DNAH5: variants seen among roughly 807,000 people sequenced by gnomAD.
The protein encoded by DNAH5 is axonemal beta dynein heavy chain 5.
Under a neutral mutation model 518.2 loss-of-function variants are expected in DNAH5, and 372 were observed. The observed-to-expected ratio is 0.72, with a 90% CI of 0.66 to 0.78. DNAH5 has a LOEUF of 0.78. DNAH5 is among the 30% of genes least tolerant of loss of function. DNAH5 has a pLI of 0.00. For synonymous variants in DNAH5, 2,039 were observed against 2,025.9 expected (o/e 1.01, Z -0.17); for missense variants, 5,523 against 5,687.0 (o/e 0.97, Z 0.93).
chr5:13,769,112 C>A lies in DNAH5; in HGVS notation c.9745G>T (p.Ala3249Ser). 1 of 1,614,170 alleles carries A rather than the reference C, an allele frequency of 6.2e-7. No homozygotes were observed. ...DMVLKEVTMK[A>S]QAAEKVKAEV... ...GCCTTGACCTTTTCAGCAGCCTGTG[C>A]TTTCATTGTCACTTCTTTTAAGACC... is the stretch of plus-strand genomic sequence containing the variant. The change falls in exon 58 of 79, where the codon GCA becomes TCA. Residue 3249 changes from alanine (A) to serine (S), a missense_variant. Physicochemically the swap from Ala to Ser is moderately conservative, Grantham distance 99 (BLOSUM62 1). This residue lies in a region of DNAH5 where 5,121 missense variants were observed against 5,223.3 expected (regional missense o/e 0.98). Transcript: ENST00000265104.
At chr5:14,006,502 T>C (rs1265934715) in intron 1 of DNAH5, among the ~76,000 whole-genome samples, 1 of 152,188 alleles carries the variant, frequency 6.6e-6, no homozygotes, top group Non-Finnish European at 1.5e-5. Flanking sequence ...GATCTTCACA[T>C]GGTCACCCCT....
Position 13,874,467 on chromosome 5 carries a change from G to T in DNAH5, c.3396+2217C>A, listed in dbSNP as rs184178721. ...TTAGATGAACTACATATGTAGAGTT[G>T]TTCTGATTATGTAACCAAGGTTATT... On this transcript the variant is annotated intron_variant, in intron 22 of 78. Transcript: ENST00000265104. Among the ~76,000 whole-genome samples the T allele has an allele frequency of 6.6e-5, 10 of 152,208 alleles. No individual in the cohort carries two copies. In the East Asian group the frequency reaches 1.9e-3, roughly 29 times the overall value.
At position 13,829,608 on chromosome 5, in the gene DNAH5, T is replaced by G. The variant is rs747370414; in HGVS notation, c.6346A>C (p.Arg2116=). 2.7e-5 allele frequency: 43 copies of G among 1,614,084 alleles called. No individual in the cohort carries two copies. The South Asian group carries it at 4.5e-4, about 17-fold the overall frequency. The change falls in exon 38 of 79, where the codon AGG becomes CGG. Residue 2116 remains arginine (R), a synonymous_variant. Transcript: ENST00000265104. The stretch of plus-strand genomic sequence containing the variant: ...AAGCCACAACTAGCCAACTTCACCC[T>G]TATGATAATCTGACGGTCAGGCACC... ...MMVPDRQIII[R]VKLASCGFID... is the part of the protein sequence containing the mutation.
chr5:13,791,431 C>T (rs1424725129), intron 50 of DNAH5, among the ~76,000 whole-genome samples: 1 of 151,812 alleles, frequency 6.6e-6, no homozygotes, highest in African/African-American at 2.4e-5. Flanking sequence ...AGTGTGTGTA[C>T]AAATGATCAT....
intron 65 of DNAH5, among the ~76,000 whole-genome samples, chr5:13,746,427 C>G (rs1041747336): frequency 6.6e-6 from 1 of 152,070 alleles, no homozygotes; most frequent in Admixed American, 6.6e-5. Context: ...AGGGTGATAT[C>G]TGAATGCATG....
rs111975408 is a variant in DNAH5 at position 13,873,634 on chromosome 5, A to C, written c.3397-1869T>G. 3.5e-3 allele frequency among the ~76,000 whole-genome samples: 536 copies of C among 151,876 alleles called. 4 individuals are homozygous for C. The highest frequency in any genetic ancestry group is 0.012 in the African/African-American group (515 of 41,396). On this transcript the variant is annotated intron_variant, in intron 22 of 78. Transcript: ENST00000265104. ...ATTGTATCATCTACAAATAATTAAA[A>C]TTTTGTCTTTTTTTATTTAATTACT...
intron 6 of DNAH5, among the ~76,000 whole-genome samples, chr5:13,920,101 C>T (rs1177120553): frequency 2.6e-5 from 4 of 152,174 alleles, no homozygotes; most frequent in Admixed American, 2.0e-4. Flanking sequence ...CACCTTCATG[C>T]CTTCATTGAG....
At chr5:13,795,298 G>A (rs1284019372) in intron 47 of DNAH5, among the ~76,000 whole-genome samples, 1 of 151,862 alleles carries the variant, frequency 6.6e-6, no homozygotes, top group East Asian at 1.9e-4. Context: ...TTGATAGACG[G>A]CTAGCAAGAT....
chr5:13,721,128 T>G lies in DNAH5; in HGVS notation c.12151A>C (p.Met4051Leu), dbSNP rs138162689. ...PRTPLICLLS[M>L]GSDPTDSIIA... ...ATGGAATCTGTGGGGTCTGAGCCCA[T>G]AGACAGGAGACAGATGAGTGGCGTC... Residue 4051 changes from methionine (M) to leucine (L), a missense_variant, in exon 71 of 79, where the codon ATG becomes CTG. Met to Leu is a conservative substitution (Grantham distance 15, BLOSUM62 2). Coordinates refer to ENST00000265104, the MANE Select transcript of DNAH5 (RefSeq NM_001369.3). 6.2e-7 allele frequency: 1 copy of G among 1,613,986 alleles called. No individual in the cohort carries two copies. Among genetic ancestry groups the G allele is most frequent in the Non-Finnish European group, 8.5e-7 (1 of 1,179,998 alleles).
chr5:13,746,663 T>C (rs1749382839), intron 65 of DNAH5, among the ~76,000 whole-genome samples: 1 of 152,114 alleles, frequency 6.6e-6, no homozygotes, highest in African/African-American at 2.4e-5. Flanking sequence ...GGGAGGCAAT[T>C]AGTATTAACA....
chr5:13,989,066 G>A (rs1470718387), intron 1 of DNAH5, among the ~76,000 whole-genome samples: 5 of 152,076 alleles, frequency 3.3e-5, no homozygotes, highest in African/African-American at 9.7e-5. Flanking sequence ...AATGCAGCCC[G>A]GGGAGAGATG....
At chr5:13,815,469 C>G (rs1761331729) in intron 42 of DNAH5, among the ~76,000 whole-genome samples, 1 of 152,160 alleles carries the variant, frequency 6.6e-6, no homozygotes, top group African/African-American at 2.4e-5. Flanking sequence ...ACTCTCTTGC[C>G]CTTCTGCAAC....
At chr5:13,845,063 T>C (rs1765787384) in intron 31 of DNAH5, 70 bp from the exon 32 acceptor site, 12 of 1,467,022 alleles carry the variant, frequency 8.2e-6, no homozygotes, top group Middle Eastern at 3.5e-4. Flanking sequence ...TAAATTAACC[T>C]GGATGGGAAA....
In DNAH5 at chr5:13,850,790, T is replaced by C; in HGVS notation, c.4976A>G (p.Asp1659Gly). 6.2e-7 allele frequency: 1 copy of C among 1,614,172 alleles called. No individual in the cohort carries two copies. Among genetic ancestry groups the C allele is most frequent in the South Asian group, 1.1e-5 (1 of 91,084 alleles). The change falls in exon 31 of 79, where the codon GAT becomes GGT. Residue 1659 changes from aspartate (D) to glycine (G), a missense_variant. Physicochemically the swap from Asp to Gly is moderately conservative, Grantham distance 94 (BLOSUM62 -1). This residue lies in a region of DNAH5 where 5,121 missense variants were observed against 5,223.3 expected (regional missense o/e 0.98). Coordinates refer to ENST00000265104, the MANE Select transcript of DNAH5 (RefSeq NM_001369.3). The part of the protein sequence containing the change: ...PKEAKRFSNI[D>G]KSWVKIMTRA... ...AGTCATGATCTTCACCCAAGATTTA[T>C]CTATGTTAGAAAACCGCTTGGCTTC... is the stretch of plus-strand genomic sequence containing the variant.
intron 38 of DNAH5, among the ~76,000 whole-genome samples, chr5:13,825,346 A>AAAATAAATAAATAAATAAATAAAT (rs143083505): frequency 3.7e-4 from 55 of 150,614 alleles, no homozygotes; most frequent in Middle Eastern, 3.4e-3. Context: ...TGTCTTGCAA[A>AAAATAAATAAATAAATAAATAAAT]AAATAAATAA....
At chr5:13,964,576 AC>A (rs1255496962) in intron 1 of DNAH5, among the ~76,000 whole-genome samples, 3 of 152,194 alleles carry the variant, frequency 2.0e-5, no homozygotes, top group African/African-American at 7.2e-5. Flanking sequence ...CTCAGTGGTC[AC>A]CAAAATTGGG....
Position 13,690,357 on chromosome 5 carries a change from G to T in DNAH5, c.*1627C>A, listed in dbSNP as rs992706495. On this transcript the variant is annotated 3_prime_UTR_variant, in exon 79 of 79. Coordinates refer to ENST00000265104, the MANE Select transcript of DNAH5 (RefSeq NM_001369.3). ...GTAAAAACATTTTATTAATTCCTAT[G>T]ATGTTGACATTTTCATTACTTGCTT... is the stretch of plus-strand genomic sequence containing the variant. 22 of 152,128 alleles carry T rather than the reference G, an allele frequency of 1.4e-4. No individual in the cohort carries two copies. The highest frequency in any genetic ancestry group is 4.8e-4 in the African/African-American group (20 of 41,408). The allele number at this position is 152,128 out of a possible 1,614,324, so 9.4% of individuals were successfully genotyped here. A position where few individuals can be genotyped will look rare whatever the true frequency, so the allele number is the denominator to read the frequency against.
intron 70 of DNAH5, among the ~76,000 whole-genome samples, chr5:13,725,081 C>T (rs1745543966): frequency 6.6e-6 from 1 of 152,218 alleles, no homozygotes. Context: ...AGGAACAGAT[C>T]AGTGGACAAA....
At chr5:13,941,003 T>C (rs1779408343) in intron 1 of DNAH5, among the ~76,000 whole-genome samples, 1 of 152,222 alleles carries the variant, frequency 6.6e-6, no homozygotes, top group Non-Finnish European at 1.5e-5. Flanking sequence ...TATGGCATGA[T>C]AATGATGGGG....
Sources: allele counts gnomAD v4.1 joint callset (sites outside exome capture counted in the v4.1 genomes callset), GRCh38; gene constraint gnomAD v4.1.1; regional missense constraint gnomAD v4.1.1; transcripts MANE v1.5; gene names NCBI Gene and HGNC (gene_info 2026-07-23, HGNC 2026-07-21).